Variants in PMS1 observed in about 807,000 individuals in gnomAD.
The protein encoded by PMS1 is PMS1 protein homolog 1.
PMS1 carries 79 observed loss-of-function variants against 93.1 expected under a neutral mutation model. That is an observed-to-expected ratio of 0.85 (90% CI 0.71 to 1.02). The LOEUF (loss-of-function observed/expected upper bound fraction) is 1.02. Ranked by LOEUF, PMS1 falls within the 50% of genes least tolerant of loss-of-function variation. The pLI is 0.00. For synonymous variants in PMS1, 335 were observed against 363.4 expected (o/e 0.92, Z 0.89); for missense variants, 1,064 against 1,085.3 (o/e 0.98, Z 0.28).
At chr2:189,814,095 A>G (rs1460187347) in intron 4 of PMS1, among the ~76,000 whole-genome samples, 2 of 152,164 alleles carry the variant, frequency 1.3e-5, no homozygotes, top group Non-Finnish European at 2.9e-5. Flanking sequence ...CTTGATCTCC[A>G]TCAGCTTTTG....
At chr2:189,823,674 C>G (rs909359558) in intron 5 of PMS1, among the ~76,000 whole-genome samples, 3 of 152,092 alleles carry the variant, frequency 2.0e-5, no homozygotes, top group Non-Finnish European at 2.9e-5. Flanking sequence ...TGTTTTTTAT[C>G]ACAGGCATAA....
At chr2:189,864,673 AAAAAAAAAAAAAAAATATATATATATAT>A (rs2056415134) in intron 10 of PMS1, among the ~76,000 whole-genome samples, 1 of 42,632 alleles carries the variant, frequency 2.3e-5, no homozygotes, top group East Asian at 5.6e-4. Flanking sequence ...AAAAAAAAAA[AAAAAAAAAAAAAAAATATATATATATAT>A]ATATATATAT....
intron 9 of PMS1, among the ~76,000 whole-genome samples, chr2:189,862,606 G>C (rs2056135180): frequency 6.6e-6 from 1 of 152,164 alleles, no homozygotes; most frequent in African/African-American, 2.4e-5. Context: ...CTTCTGAAAA[G>C]TGCTGATTTT....
At chr2:189,798,663 A>G (rs1575053370) in intron 3 of PMS1, among the ~76,000 whole-genome samples, 1 of 151,858 alleles carries the variant, frequency 6.6e-6, no homozygotes, top group Non-Finnish European at 1.5e-5. Flanking sequence ...CGAGGTTTGC[A>G]TCAGGGAACC....
At chr2:189,843,814 T>A in intron 5 of PMS1, 150 bp from the exon 6 acceptor site, 1 of 688,408 alleles carries the variant, frequency 1.5e-6, no homozygotes, top group Non-Finnish European at 2.5e-6. Flanking sequence ...GAGTTTCTTC[T>A]GTCAGACCTC....
Position 189,854,480 on chromosome 2 carries a change from C to T in PMS1, c.1208C>T (p.Thr403Ile). The T allele has an allele frequency of 6.2e-7, 1 of 1,613,458 alleles. No individual in the cohort carries two copies. The highest frequency in any genetic ancestry group is 2.2e-5 in the East Asian group (1 of 44,810). ...CATAATGATGAATCTGGAAAAAACA[C>T]TGATGATTGTTTAAATCACCAGATA... is the stretch of plus-strand genomic sequence containing the variant. ...DMHNDESGKN[T>I]DDCLNHQISI... Residue 403 changes from threonine (T) to isoleucine (I), a missense_variant, in exon 9 of 13, where the codon ACT (threonine) becomes ATT (isoleucine). Transcript: ENST00000441310.
chr2:189,856,600 G>A (rs985751305), intron 9 of PMS1, among the ~76,000 whole-genome samples: 1 of 152,094 alleles, frequency 6.6e-6, no homozygotes, highest in Non-Finnish European at 1.5e-5. Flanking sequence ...CAGTTTAAAG[G>A]TGAGGGGACT....
At chr2:189,801,346 C>T (rs1321784830) in intron 3 of PMS1, among the ~76,000 whole-genome samples, 1 of 152,118 alleles carries the variant, frequency 6.6e-6, no homozygotes, top group Non-Finnish European at 1.5e-5. Context: ...AGAAATTTGT[C>T]ATCTTCAATG....
intron 3 of PMS1, among the ~76,000 whole-genome samples, chr2:189,801,919 G>A (rs372807852): frequency 7.9e-5 from 12 of 152,098 alleles, no homozygotes; most frequent in East Asian, 7.7e-4. Flanking sequence ...TTTCACCTCC[G>A]CATTCTATGT....
At chr2:189,796,937 T>C (rs1271607491) in intron 3 of PMS1, among the ~76,000 whole-genome samples, 1 of 152,198 alleles carries the variant, frequency 6.6e-6, no homozygotes, top group Non-Finnish European at 1.5e-5. Context: ...GTCTAATTTT[T>C]TGAGGAGCAG....
At chr2:189,824,900 T>C (rs1277510951) in intron 5 of PMS1, among the ~76,000 whole-genome samples, 1 of 152,134 alleles carries the variant, frequency 6.6e-6, no homozygotes, top group African/African-American at 2.4e-5. Flanking sequence ...TCTTTGAACA[T>C]TGAGTCCTAC....
At chr2:189,808,601 G>A (rs993816395) in intron 4 of PMS1, among the ~76,000 whole-genome samples, 29 of 152,148 alleles carry the variant, frequency 1.9e-4, no homozygotes, top group Admixed American at 1.9e-3. Context: ...AAAGTGCTGG[G>A]ATTATAGGCG....
chr2:189,870,345 T>C (rs986141560), intron 11 of PMS1, among the ~76,000 whole-genome samples: 1 of 152,212 alleles, frequency 6.6e-6, no homozygotes, highest in African/African-American at 2.4e-5. Context: ...AATGTGACTC[T>C]AAGAACTTTG....
Position 189,877,484 on chromosome 2 carries a change from T to C in PMS1, c.*48T>C. On this transcript the variant is annotated 3_prime_UTR_variant, in exon 13 of 13. Coordinates refer to ENST00000441310, the MANE Select transcript of PMS1 (RefSeq NM_000534.5). Reference sequence around the variant, plus strand: ...GTTACCATTGAAATTGGTTCTGTCATAAAACAGCATGAGTCTGGTTTTAAA... The same window carrying C: ...GTTACCATTGAAATTGGTTCTGTCACAAAACAGCATGAGTCTGGTTTTAAA... 1 of 1,263,190 alleles carries C rather than the reference T, an allele frequency of 7.9e-7. No individual in the cohort carries two copies. Among genetic ancestry groups the C allele is most frequent in the Non-Finnish European group, 1.2e-6 (1 of 865,484 alleles). 78.2% of individuals were successfully genotyped at this position (1,263,190 alleles called of 1,614,324 possible).
chr2:189,831,294 C>T (rs1474426620), intron 5 of PMS1, among the ~76,000 whole-genome samples: 1 of 152,106 alleles, frequency 6.6e-6, no homozygotes, highest in African/African-American at 2.4e-5. Context: ...TTGACATGAT[C>T]AAGATGCTGC....
intron 12 of PMS1, among the ~76,000 whole-genome samples, chr2:189,875,968 A>G (rs1188602181): frequency 6.6e-6 from 1 of 151,376 alleles, no homozygotes; most frequent in Non-Finnish European, 1.5e-5. Context: ...AAAAAAAAAA[A>G]AAAAAAAAAA....
At chr2:189,876,696 C>T (rs889552361) in intron 12 of PMS1, among the ~76,000 whole-genome samples, 4 of 151,954 alleles carry the variant, frequency 2.6e-5, no homozygotes, top group Non-Finnish European at 5.9e-5. Flanking sequence ...GCAGTCTTGA[C>T]CTTCAGGCTC....
At chr2:189,859,393 G>C (rs2055708237) in intron 9 of PMS1, among the ~76,000 whole-genome samples, 1 of 152,160 alleles carries the variant, frequency 6.6e-6, no homozygotes, top group South Asian at 2.1e-4. Flanking sequence ...ACCAAGCCAG[G>C]CTGTCTTCAG....
In PMS1 at chr2:189,818,063, A is replaced by C. The variant is rs1287409011; in HGVS notation, c.465A>C (p.Arg155Ser). ...GATTATTTAAGAATCTACCTGTAAG[A>C]AAGCAGTTTTACTCAACTGCAAAAA... Reference protein sequence around the residue: ...ALRLFKNLPVRKQFYSTAKKC... With the variant: ...ALRLFKNLPVSKQFYSTAKKC... The change falls in exon 5 of 13, where the codon AGA becomes AGC. Residue 155 changes from arginine to serine, a missense_variant. By Grantham distance (110) the Arg-to-Ser change is moderately radical (BLOSUM62 -1). Coordinates refer to ENST00000441310, the MANE Select transcript of PMS1 (RefSeq NM_000534.5). 6.2e-7 allele frequency: 1 copy of C among 1,607,922 alleles called. No individual in the cohort carries two copies. The highest frequency in any genetic ancestry group is 1.7e-5 in the Admixed American group (1 of 59,936).
Sources: allele counts gnomAD v4.1 joint callset (sites outside exome capture counted in the v4.1 genomes callset), GRCh38; gene constraint gnomAD v4.1.1; transcripts MANE v1.5; gene names NCBI Gene and HGNC (gene_info 2026-07-23, HGNC 2026-07-21).